ANKRD30B: variants seen among roughly 807,000 people sequenced by gnomAD.
The protein encoded by ANKRD30B is ankyrin repeat domain-containing protein 30B.
Under a neutral mutation model 202.2 loss-of-function variants are expected in ANKRD30B, and 144 were observed. The ratio of observed to expected loss-of-function variants is 0.71; its 90% CI spans 0.62 to 0.82. ANKRD30B has a LOEUF of 0.82. ANKRD30B is among the 40% of genes least tolerant of loss of function. ANKRD30B has a pLI of 0.00. For missense variants in ANKRD30B, 1,487 were observed against 1,669.1 expected (o/e 0.89, Z 1.90); for synonymous variants, 508 against 561.3 (o/e 0.91, Z 1.34).
the ANKRD30B span, among the ~76,000 whole-genome samples, chr18:14,920,803 G>C: frequency 1.3e-5 from 2 of 152,172 alleles, no homozygotes; most frequent in Admixed American, 6.5e-5. Context: ...TATCTTGTGG[G>C]TGCTTTTTGT....
At chr18:14,916,665 A>G in the ANKRD30B span, among the ~76,000 whole-genome samples, 4 of 152,212 alleles carry the variant, frequency 2.6e-5, no homozygotes, top group African/African-American at 9.7e-5. Flanking sequence ...ACTTCTTACT[A>G]AATTAATTTT....
rs777673197 is a variant in ANKRD30B, at chr18:14,810,027, A to G, written c.2415+13A>G. The G allele has an allele frequency of 2.1e-6, 3 of 1,444,012 alleles. No homozygotes were observed. The highest frequency in any genetic ancestry group is 2.8e-5 in the African/African-American group (2 of 70,570). 89.4% of individuals were successfully genotyped at this position (1,444,012 alleles called of 1,614,324 possible). On this transcript the variant is annotated intron_variant, in intron 27 of 43. Transcript: ENST00000690538. ...TGGTCTTCTGAAGGTAATAACTTTT[A>G]TATTTTTATCTTGAATATTACCTAC...
intron 6 of ANKRD30B, among the ~76,000 whole-genome samples, chr18:14,762,776 A>G (rs1254669955): frequency 6.6e-6 from 1 of 152,230 alleles, no homozygotes; most frequent in Non-Finnish European, 1.5e-5. Context: ...AATGCATTGT[A>G]CAATATGAAC....
intron 26 of ANKRD30B, among the ~76,000 whole-genome samples, chr18:14,809,345 A>G (rs1221640213): frequency 6.6e-6 from 1 of 151,088 alleles, no homozygotes; most frequent in Non-Finnish European, 1.5e-5. Flanking sequence ...ATGATTAGCA[A>G]GATATTAATC....
At chr18:14,773,448 TA>T in intron 9 of ANKRD30B, among the ~76,000 whole-genome samples, 1 of 152,186 alleles carries the variant, frequency 6.6e-6, no homozygotes, top group Admixed American at 6.5e-5. Flanking sequence ...ATATGCATGA[TA>T]TATCTTATAA....
the ANKRD30B span, among the ~76,000 whole-genome samples, chr18:14,897,086 G>T: frequency 1.3e-5 from 2 of 152,026 alleles, no homozygotes; most frequent in Non-Finnish European, 2.9e-5. Context: ...GTTGACATAG[G>T]TAGAAAAGAT....
At chr18:14,806,543 G>T (rs148877751) in intron 24 of ANKRD30B, among the ~76,000 whole-genome samples, 1 of 150,306 alleles carries the variant, frequency 6.7e-6, no homozygotes, top group African/African-American at 2.5e-5. Context: ...AACGAAGGTA[G>T]TATTTCCCTG....
rs529797159 is a variant in ANKRD30B, at chr18:14,751,565, A to G, written c.222-1001A>G. Among the ~76,000 whole-genome samples the G allele has an allele frequency of 7.2e-4, 110 of 152,254 alleles. 2 individuals carry two copies. The highest frequency in any genetic ancestry group is 6.5e-4 in the Admixed American group (10 of 15,288). Reference sequence around the variant, plus strand: ...CAACCAGGTTTTGGAAATTTATAACAGCTCTAAATAGTAATATTAATCATC... The same window carrying G: ...CAACCAGGTTTTGGAAATTTATAACGGCTCTAAATAGTAATATTAATCATC... On this transcript the variant is annotated intron_variant, in intron 1 of 43. Coordinates refer to ENST00000690538, the MANE Select transcript of ANKRD30B (RefSeq NM_001367607.2).
rs1258614666 is a variant in ANKRD30B at position 14,851,989 on chromosome 18, C to A, written c.4045C>A (p.His1349Asn). The A allele has an allele frequency of 6.3e-7, 1 of 1,597,576 alleles. No individual in the cohort carries two copies. The highest frequency in any genetic ancestry group is 1.3e-5 in the African/African-American group (1 of 74,162). ...TACAATATATAACAATGAGGTGCTC[C>A]ATCAACCACTTTATGAAGCTCAAAG... Reference protein sequence around the residue: ...SNTIYNNEVLHQPLYEAQRKS... With the variant: ...SNTIYNNEVLNQPLYEAQRKS... The change falls in exon 42 of 44, where the codon CAT becomes AAT. Residue 1349 changes from histidine to asparagine, a missense_variant. This residue lies in a region of ANKRD30B where 182 missense variants were observed against 216.0 expected (regional missense o/e 0.84). Transcript: ENST00000690538.
the ANKRD30B span, among the ~76,000 whole-genome samples, chr18:14,899,027 C>T: frequency 1.3e-5 from 2 of 152,002 alleles, no homozygotes; most frequent in Non-Finnish European, 2.9e-5. Flanking sequence ...TTGATATAGA[C>T]CATAAACGTA....
At chr18:14,925,301 A>G in the ANKRD30B span, among the ~76,000 whole-genome samples, 6 of 152,040 alleles carry the variant, frequency 3.9e-5, no homozygotes, top group East Asian at 1.2e-3. Flanking sequence ...TGAGCTCTGC[A>G]CTGCCATCTT....
intron 7 of ANKRD30B, among the ~76,000 whole-genome samples, chr18:14,766,014 G>A (rs1187275895): frequency 6.6e-6 from 1 of 152,128 alleles, no homozygotes; most frequent in Non-Finnish European, 1.5e-5. Flanking sequence ...AAAATAATAA[G>A]TTTGTATTCC....
In ANKRD30B at chr18:14,837,452, C is replaced by A. The variant is rs527996416; in HGVS notation, c.2926+163C>A. 1.3e-4 allele frequency among the ~76,000 whole-genome samples: 19 copies of A among 151,792 alleles called. No homozygotes were observed. In the East Asian group the frequency reaches 3.5e-3, roughly 28 times the overall value. Reference sequence around the variant, plus strand: ...GTACATTTTGATATCTTTCTTCATACTATCAACTCTTTTTTTTCTGAACCT... The same window carrying A: ...GTACATTTTGATATCTTTCTTCATAATATCAACTCTTTTTTTTCTGAACCT... On this transcript the variant is annotated intron_variant, in intron 35 of 43. Transcript: ENST00000690538.
At chr18:14,883,417 A>C in the ANKRD30B span, 2 of 36,130 alleles carry the variant, frequency 5.5e-5, no homozygotes, top group African/African-American at 1.6e-4. Context: ...ATATATATAT[A>C]TATATATATC....
chr18:14,772,932 A>G (rs940272628), intron 9 of ANKRD30B, among the ~76,000 whole-genome samples: 4 of 152,152 alleles, frequency 2.6e-5, no homozygotes, highest in African/African-American at 9.7e-5. Flanking sequence ...GTGTGGGCAC[A>G]TAGCGAGACC....
chr18:14,765,456 C>A (rs1159011167), intron 7 of ANKRD30B, among the ~76,000 whole-genome samples: 1 of 121,888 alleles, frequency 8.2e-6, no homozygotes, highest in Admixed American at 8.1e-5. Flanking sequence ...GAGCAACACT[C>A]CATCTGAAAA....
chr18:14,879,817 G>A, the ANKRD30B span, among the ~76,000 whole-genome samples: 1 of 151,850 alleles, frequency 6.6e-6, no homozygotes, highest in Non-Finnish European at 1.5e-5. Flanking sequence ...TCAGGGTCAG[G>A]GGTCCCACTT....
the ANKRD30B span, among the ~76,000 whole-genome samples, chr18:14,872,568 CTCAG>C: frequency 6.6e-6 from 1 of 152,130 alleles, no homozygotes; most frequent in South Asian, 2.1e-4. Context: ...CCCCAAGCAA[CTCAG>C]TCTCCTGCTT....
At chr18:14,754,521 G>A (rs1426281199) in intron 3 of ANKRD30B, among the ~76,000 whole-genome samples, 1 of 151,986 alleles carries the variant, frequency 6.6e-6, no homozygotes, top group Non-Finnish European at 1.5e-5. Context: ...CTGCTCTAGA[G>A]GTAATATTAT....
Sources: allele counts gnomAD v4.1 joint callset (sites outside exome capture counted in the v4.1 genomes callset), GRCh38; gene constraint gnomAD v4.1.1; regional missense constraint gnomAD v4.1.1; transcripts MANE v1.5; gene names NCBI Gene and HGNC (gene_info 2026-07-23, HGNC 2026-07-21).